The following TAAR5 variants were observed in gnomAD, a reference collection of about 807,000 sequenced individuals.
The protein encoded by TAAR5 is trace amine-associated receptor 5.
Under a neutral mutation model 21.1 loss-of-function variants are expected in TAAR5, and 27 were observed. The observed-to-expected ratio is 1.28, with a 90% confidence interval of 0.94 to 1.76. The LOEUF is 1.76. Among genes scored for constraint, TAAR5 ranks in the 40% most tolerant of loss-of-function variants. TAAR5 has a pLI of 0.00. For missense variants in TAAR5, 495 were observed against 405.6 expected (o/e 1.22, Z -1.89); for synonymous variants, 203 against 167.5 (o/e 1.21, Z -1.64).
the TAAR5 span, among the ~76,000 whole-genome samples, chr6:132,598,123 C>G: frequency 6.6e-6 from 1 of 152,068 alleles, no homozygotes; most frequent in African/African-American, 2.4e-5. Context: ...GGTTACATAG[C>G]CCAAACAATC....
At chr6:132,598,410 T>C in the TAAR5 span, among the ~76,000 whole-genome samples, 3 of 152,220 alleles carry the variant, frequency 2.0e-5, no homozygotes, top group Admixed American at 1.3e-4. Context: ...TCTGTCCTAA[T>C]ATATTCTCCT....
the TAAR5 span, among the ~76,000 whole-genome samples, chr6:132,613,204 A>G: frequency 1.6e-4 from 25 of 152,312 alleles, no homozygotes; most frequent in African/African-American, 4.1e-4. Flanking sequence ...TAAGAACACA[A>G]TGAGGCTCAC....
the TAAR5 span, among the ~76,000 whole-genome samples, chr6:132,615,206 T>C: frequency 6.6e-6 from 1 of 152,136 alleles, no homozygotes; most frequent in Non-Finnish European, 1.5e-5. Context: ...CAATTTTATA[T>C]CTGATTTCAT....
upstream of TAAR5, among the ~76,000 whole-genome samples, chr6:132,593,206 T>A (rs1319353638): frequency 1.3e-5 from 2 of 152,270 alleles, no homozygotes; most frequent in South Asian, 4.2e-4. Flanking sequence ...CACAACCCCA[T>A]GTCAGGCTAA....
the TAAR5 span, among the ~76,000 whole-genome samples, chr6:132,613,208 G>A: frequency 1.3e-5 from 2 of 152,164 alleles, no homozygotes; most frequent in Non-Finnish European, 2.9e-5. Context: ...AACACAATGA[G>A]GCTCACAATA....
chr6:132,595,283 T>C, the TAAR5 span: 2 of 153,046 alleles, frequency 1.3e-5, no homozygotes, highest in African/African-American at 4.8e-5. Flanking sequence ...ATTACGATCA[T>C]GTTGCCCAGC....
At chr6:132,615,346 C>T in the TAAR5 span, among the ~76,000 whole-genome samples, 2 of 152,016 alleles carry the variant, frequency 1.3e-5, no homozygotes, top group Non-Finnish European at 2.9e-5. Context: ...TTTCTGTTTA[C>T]ACTTTGATTC....
chr6:132,613,825 G>A, the TAAR5 span, among the ~76,000 whole-genome samples: 1 of 152,126 alleles, frequency 6.6e-6, no homozygotes, highest in Non-Finnish European at 1.5e-5. Flanking sequence ...ATAGAGGCAA[G>A]CATTTGTACA....
the TAAR5 span, among the ~76,000 whole-genome samples, chr6:132,600,880 G>GGAAGGAGA: frequency 2.4e-5 from 3 of 125,690 alleles, no homozygotes; most frequent in African/African-American, 6.1e-5. Flanking sequence ...AGAGAGGGAA[G>GGAAGGAGA]GAGGGAAGAA....
At chr6:132,605,746 C>T in the TAAR5 span, among the ~76,000 whole-genome samples, 7 of 152,198 alleles carry the variant, frequency 4.6e-5, no homozygotes, top group Admixed American at 2.6e-4. Flanking sequence ...CAAACCTGCA[C>T]ATGTACCCCC....
At position 132,589,084 on chromosome 6, in the gene TAAR5, GC is replaced by G; in HGVS notation, c.602del (p.Gly201AlafsTer3). 1 of 1,614,088 alleles carries G rather than the reference GC, an allele frequency of 6.2e-7. No homozygotes were observed. Among genetic ancestry groups the G allele is most frequent in the Non-Finnish European group, 8.5e-7 (1 of 1,179,998 alleles). On this transcript the variant is annotated frameshift_variant, in exon 1 of 1. Transcript: ENST00000258034. LOFTEE classifies it high-confidence loss of function. ...CAAAGAACAAAGGGAAGTTTAACCA[GC>G]CCCAAAATTTATTGAGCAGCAGCTG... ...SCQLLLNKFW[G>X]WLNFPLFFVP... is the part of the protein sequence containing the mutation.
At chr6:132,595,057 A>G in the TAAR5 span, 1 of 152,324 alleles carries the variant, frequency 6.6e-6, no homozygotes, top group Admixed American at 6.5e-5. Flanking sequence ...GTCAACTGAG[A>G]TGAAGCAGAG....
chr6:132,612,461 T>G, the TAAR5 span, among the ~76,000 whole-genome samples: 1 of 152,194 alleles, frequency 6.6e-6, no homozygotes, highest in African/African-American at 2.4e-5. Context: ...GGTATTCTTA[T>G]AAAATAACCC....
rs759421546 is a variant in TAAR5 at position 132,589,615 on chromosome 6, G to T, written c.72C>A (p.Cys24Ter). Residue 24 changes from cysteine to a stop codon, truncating the protein, a stop_gained, in exon 1 of 1, where the codon TGC becomes TGA. Transcript: ENST00000258034. LOFTEE classifies it high-confidence loss of function. ...TGCCCAGAGTATGTACTGTCCTGGG[G>T]CAAGACCCATTCACCTGGTAGCAGA... ...AAFCYQVNGS[C>*]PRTVHTLGIQ... 1 of 1,613,738 alleles carries T rather than the reference G, an allele frequency of 6.2e-7. No individual in the cohort carries two copies. The highest frequency in any genetic ancestry group is 1.1e-5 in the South Asian group (1 of 91,060).
chr6:132,590,190 G>C (rs1329372653), upstream of TAAR5, among the ~76,000 whole-genome samples: 1 of 152,144 alleles, frequency 6.6e-6, no homozygotes, highest in Non-Finnish European at 1.5e-5. Flanking sequence ...GTAACTTCTA[G>C]CTTCTCTCTT....
the TAAR5 span, among the ~76,000 whole-genome samples, chr6:132,603,319 A>AG: frequency 2.0e-5 from 3 of 151,022 alleles, no homozygotes; most frequent in African/African-American, 4.9e-5. Context: ...AAAAAAAAAA[A>AG]AAAGAAAGAA....
chr6:132,595,518 A>G, the TAAR5 span: 1 of 152,208 alleles, frequency 6.6e-6, no homozygotes, highest in South Asian at 2.1e-4. Flanking sequence ...ACACAGTACA[A>G]CAATACAAAT....
the TAAR5 span, among the ~76,000 whole-genome samples, chr6:132,615,144 C>A: frequency 3.9e-5 from 6 of 151,938 alleles, no homozygotes; most frequent in Non-Finnish European, 8.8e-5. Flanking sequence ...TTACAGGCAT[C>A]TCTGTGTGTT....
chr6:132,597,772 G>A, the TAAR5 span, among the ~76,000 whole-genome samples: 4 of 152,136 alleles, frequency 2.6e-5, no homozygotes, highest in Non-Finnish European at 4.4e-5. Context: ...AGAAACATCC[G>A]TTGACAATTC....
Sources: gnomAD v4.1 joint callset for allele counts (sites outside exome capture counted in the v4.1 genomes callset) on GRCh38, gnomAD v4.1.1 for gene constraint, MANE v1.5 for transcripts, NCBI Gene and HGNC (gene_info 2026-07-23, HGNC 2026-07-21) for gene names.